DDX52: variants seen among roughly 807,000 people sequenced by gnomAD.
The protein encoded by DDX52 is probable ATP-dependent RNA helicase DDX52.
DDX52 carries 59 observed loss-of-function variants against 76.1 expected under a neutral mutation model. The ratio of observed to expected loss-of-function variants is 0.78; its 90% confidence interval spans 0.63 to 0.96. DDX52 has a LOEUF of 0.96. Ranked by LOEUF, DDX52 falls within the 40% of genes least tolerant of loss-of-function variation. The pLI is 0.00. For missense variants in DDX52, 707 were observed against 703.9 expected, an observed-to-expected ratio of 1.00 and a Z score of -0.05; for synonymous variants, 231 against 244.1, an observed-to-expected ratio of 0.95 and a Z score of 0.50.
At chr17:37,630,366 GCCCTTAAATT>G (rs2030618478) in intron 4 of DDX52, among the ~76,000 whole-genome samples, 193 bp from the exon 5 acceptor site, 1 of 152,154 alleles carries the variant, frequency 6.6e-6, no homozygotes, top group Non-Finnish European at 1.5e-5. Flanking sequence ...TCTGAGCATT[GCCCTTAAATT>G]CCCTTTGAAT....
At position 37,611,480 on chromosome 17, in the gene DDX52, A is replaced by C. The variant is rs1322173623; in HGVS notation, c.*2816T>G. On this transcript the variant is annotated 3_prime_UTR_variant, in exon 15 of 15. Transcript: ENST00000617633. ...ATTTTAGGCTAAGTGTTATGACAAGAATCAAAAAAGTTTATAAAGGCCGGA... is the reference window on the plus strand; with the variant it reads ...ATTTTAGGCTAAGTGTTATGACAAGCATCAAAAAAGTTTATAAAGGCCGGA... 1.3e-5 allele frequency: 2 copies of C among 152,170 alleles called. No individual in the cohort carries two copies. The highest frequency in any genetic ancestry group is 4.1e-4 in the South Asian group (2 of 4,828). 9.4% of individuals were successfully genotyped at this position (152,170 alleles called of 1,614,324 possible). A position where few individuals can be genotyped will look rare whatever the true frequency, so the allele number is the denominator to read the frequency against.
Position 37,643,379 on chromosome 17 carries a change from G to A in DDX52, c.42C>T (p.Ala14=). The part of the protein sequence containing the change: ...HDLFRRLGAG[A]KFDTRRFSAD... ...CCGAGAAGCGTCTCGTGTCGAATTTGGCCCCCGCGCCGAGCCGGCGAAAGA... is the reference window on the plus strand; with the variant it reads ...CCGAGAAGCGTCTCGTGTCGAATTTAGCCCCCGCGCCGAGCCGGCGAAAGA... Residue 14 remains alanine, a synonymous_variant, in exon 1 of 15, where the codon GCC becomes GCT. Coordinates refer to ENST00000617633, the MANE Select transcript of DDX52 (RefSeq NM_007010.5). 6.2e-7 allele frequency: 1 copy of A among 1,613,988 alleles called. No individual in the cohort carries two copies. Among genetic ancestry groups the A allele is most frequent in the Admixed American group, 1.7e-5 (1 of 59,998 alleles).
At chr17:37,621,345 T>A in intron 10 of DDX52, 53 bp downstream of exon 10, 1 of 1,595,416 alleles carries the variant, frequency 6.3e-7, no homozygotes, top group Non-Finnish European at 8.5e-7. Context: ...TTAATGTCAA[T>A]AGTTTAAAAT....
intron 2 of DDX52, among the ~76,000 whole-genome samples, chr17:37,638,770 C>CTTT (rs920881727): frequency 8.7e-6 from 1 of 114,820 alleles, no homozygotes; most frequent in Non-Finnish European, 1.7e-5. Flanking sequence ...TGTTTTTTTT[C>CTTT]TTTTTTTTTT....
At position 37,613,557 on chromosome 17, in the gene DDX52, G is replaced by C. The variant is rs2064391428; in HGVS notation, c.*739C>G. ...TAAGGTATTACGTATCCAATACAAG[G>C]ATACTTAATAGACCAAAGAATTTAA... On this transcript the variant is annotated 3_prime_UTR_variant, in exon 15 of 15. Coordinates refer to ENST00000617633, the MANE Select transcript of DDX52 (RefSeq NM_007010.5). 6.6e-6 allele frequency: 1 copy of C among 152,122 alleles called. No individual in the cohort carries two copies. The highest frequency in any genetic ancestry group is 1.5e-5 in the Non-Finnish European group (1 of 68,030). The allele number at this position is 152,122 out of a possible 1,614,324, so 9.4% of individuals were successfully genotyped here.
Position 37,633,372 on chromosome 17 carries a change from A to C in DDX52, c.333T>G (p.Ser111=), listed in dbSNP as rs572756320. ...TTTTGTCTTCAATCTTTGCTTCTAC[A>C]GATGACATCCACTGTATAGTAGCAC... is the stretch of plus-strand genomic sequence containing the variant. The part of the protein sequence containing the change: ...EEGATIQWMS[S]VEAKIEDKKV... Residue 111 remains serine (S), a synonymous_variant, in exon 3 of 15, where the codon TCT becomes TCG. Transcript: ENST00000617633. 1.2e-6 allele frequency: 2 copies of C among 1,611,184 alleles called. No homozygotes were observed. The highest frequency in any genetic ancestry group is 2.7e-5 in the African/African-American group (2 of 74,902).
Position 37,618,294 on chromosome 17 carries a change from T to C in DDX52, c.1740A>G (p.Lys580=). 1 of 1,598,544 alleles carries C rather than the reference T, an allele frequency of 6.3e-7. No homozygotes were observed. Among genetic ancestry groups the C allele is most frequent in the South Asian group, 1.2e-5 (1 of 86,836 alleles). Residue 580 remains lysine, a splice_region_variant and synonymous_variant, in exon 14 of 15, where the codon AAA becomes AAG. Coordinates refer to ENST00000617633, the MANE Select transcript of DDX52 (RefSeq NM_007010.5). Reference sequence around the variant, plus strand: ...CATTTTTCTTACCACATACTTACTGTTTATCCTTAGCTTTTTCTAAGAAAC... The same window carrying C: ...CATTTTTCTTACCACATACTTACTGCTTATCCTTAGCTTTTTCTAAGAAAC... ...PKCFLEKAKD[K]QKKVTGQNSK...
rs930434688 is a variant in DDX52, at chr17:37,636,253, G to A, written c.287-2835C>T. Among the ~76,000 whole-genome samples the A allele has an allele frequency of 2.6e-5, 4 of 152,238 alleles. No individual in the cohort carries two copies. In the East Asian group the frequency reaches 7.7e-4, roughly 29 times the overall value. ...AAAACTTCAGTCTGAGTCATTTGAA[G>A]TTAATTTTTGCTTACAATATAAAGT... On this transcript the variant is annotated intron_variant, in intron 2 of 14. Coordinates refer to ENST00000617633, the MANE Select transcript of DDX52 (RefSeq NM_007010.5).
intron 6 of DDX52, among the ~76,000 whole-genome samples, chr17:37,628,333 C>T (rs1319531114): frequency 6.6e-6 from 1 of 152,088 alleles, no homozygotes; most frequent in Non-Finnish European, 1.5e-5. Flanking sequence ...TGCCAAATGT[C>T]CCTGTGGTGA....
At position 37,626,013 on chromosome 17, in the gene DDX52, G is replaced by A. The variant is rs2030353979; in HGVS notation, c.1018C>T (p.Leu340=). The A allele has an allele frequency of 6.2e-7, 1 of 1,613,992 alleles. No individual in the cohort carries two copies. Among genetic ancestry groups the A allele is most frequent in the African/African-American group, 1.3e-5 (1 of 74,894 alleles). Residue 340 remains leucine, a synonymous_variant, in exon 8 of 15, where the codon CTG becomes TTG. Transcript: ENST00000617633. ...CGGACCTTGTGGGATGTGCAGGCCA[G>A]GAAAATGGAAGCCAGCTGGTCTCTG... ...GFRDQLASIF[L]ACTSHKVRRA... is the part of the protein sequence containing the mutation.
At chr17:37,632,374 AC>A in intron 3 of DDX52, 76 bp from the exon 4 acceptor site, 1 of 1,541,290 alleles carries the variant, frequency 6.5e-7, no homozygotes, top group Non-Finnish European at 8.9e-7. Context: ...AGCAACATTA[AC>A]AGTTTCTGGG....
chr17:37,625,992 C>G lies in DDX52; in HGVS notation c.1039G>C (p.Val347Leu). The change falls in exon 8 of 15, where the codon GTC becomes CTC. Residue 347 changes from valine to leucine, a missense_variant. Physicochemically the swap from Val to Leu is conservative, Grantham distance 32. Transcript: ENST00000617633. ...GTTGCACTGAACATAGCTCTTCGGA[C>G]CTTGTGGGATGTGCAGGCCAGGAAA... is the stretch of plus-strand genomic sequence containing the variant. The part of the protein sequence containing the change: ...SIFLACTSHK[V>L]RRAMFSATFA... The G allele has an allele frequency of 6.2e-7, 1 of 1,614,154 alleles. No individual in the cohort carries two copies. Among genetic ancestry groups the G allele is most frequent in the South Asian group, 1.1e-5 (1 of 91,070 alleles).
chr17:37,627,525 C>A (rs912470423), intron 6 of DDX52, among the ~76,000 whole-genome samples: 7 of 151,962 alleles, frequency 4.6e-5, no homozygotes, highest in Non-Finnish European at 8.8e-5. Flanking sequence ...GGATTACAGG[C>A]ATGAGCCACA....
chr17:37,638,354 C>T (rs375131739), intron 2 of DDX52, among the ~76,000 whole-genome samples: 28 of 152,326 alleles, frequency 1.8e-4, no homozygotes, highest in African/African-American at 6.7e-4. Context: ...AGGGAGAAAA[C>T]ATTGAGTTGC....
chr17:37,613,993 C>A lies in DDX52; in HGVS notation c.*303G>T. 3.4e-6 allele frequency: 1 copy of A among 291,370 alleles called. No homozygotes were observed. The allele number at this position is 291,370 out of a possible 1,614,324, so 18.0% of individuals were successfully genotyped here. A position where few individuals can be genotyped will look rare whatever the true frequency, so the allele number is the denominator to read the frequency against. On this transcript the variant is annotated 3_prime_UTR_variant, in exon 15 of 15. Coordinates refer to ENST00000617633, the MANE Select transcript of DDX52 (RefSeq NM_007010.5). ...AAGTCACCTACAGAGCTGGGTGCAG[C>A]AGCTTGTGCCTGTAATCTCAGTTAC...
chr17:37,642,279 A>C lies in DDX52; in HGVS notation c.117T>G (p.Ser39=), dbSNP rs971832389. 3 of 1,614,030 alleles carry C rather than the reference A, an allele frequency of 1.9e-6. No homozygotes were observed. The highest frequency in any genetic ancestry group is 2.5e-6 in the Non-Finnish European group (3 of 1,179,978). Residue 39 remains serine (S), a synonymous_variant, in exon 2 of 15, where the codon TCT becomes TCG. Coordinates refer to ENST00000617633, the MANE Select transcript of DDX52 (RefSeq NM_007010.5). The part of the protein sequence containing the change: ...QIGKRKYDFD[S]SEVLQGLDFF... The stretch of plus-strand genomic sequence containing the variant: ...AGTCCAGTCCCTGAAGCACCTCCGA[A>C]GAATCAAAGTCATATTTCCTTTTTC...
chr17:37,641,376 T>C (rs1353732522), intron 2 of DDX52, among the ~76,000 whole-genome samples: 1 of 148,902 alleles, frequency 6.7e-6, no homozygotes, highest in African/African-American at 2.5e-5. Context: ...CACCACAGAC[T>C]GGGCAACAAA....
In DDX52 at chr17:37,614,206, G is replaced by T; in HGVS notation, c.*90C>A. On this transcript the variant is annotated 3_prime_UTR_variant, in exon 15 of 15. Coordinates refer to ENST00000617633, the MANE Select transcript of DDX52 (RefSeq NM_007010.5). Reference sequence around the variant, plus strand: ...TTGATTTCAAATGTTTGGTACAGGTGACTGTAAGACTTCAAGTATTCCATG... The same window carrying T: ...TTGATTTCAAATGTTTGGTACAGGTTACTGTAAGACTTCAAGTATTCCATG... 3 of 1,305,616 alleles carry T rather than the reference G, an allele frequency of 2.3e-6. No homozygotes were observed. The highest frequency in any genetic ancestry group is 2.7e-5 in the South Asian group (2 of 73,030). 80.9% of individuals were successfully genotyped at this position (1,305,616 alleles called of 1,614,324 possible). A position where few individuals can be genotyped will look rare whatever the true frequency, so the allele number is the denominator to read the frequency against.
intron 9 of DDX52, 34 bp downstream of exon 9, chr17:37,624,310 T>G: frequency 2.5e-6 from 4 of 1,573,526 alleles, no homozygotes; most frequent in Non-Finnish European, 3.5e-6. Context: ...CTTGGCAAAC[T>G]TTACCAAAAT....
Sources: allele counts gnomAD v4.1 joint callset (sites outside exome capture counted in the v4.1 genomes callset), GRCh38; gene constraint gnomAD v4.1.1; transcripts MANE v1.5; gene names NCBI Gene and HGNC (gene_info 2026-07-23, HGNC 2026-07-21).